The following TRMT2B variants were observed in gnomAD, a reference collection of about 807,000 sequenced individuals.
TRMT2B encodes tRNA methyltransferase 2B, also known as tRNA (uracil-5-)-methyltransferase homolog B.
Under a neutral mutation model 39.7 loss-of-function variants are expected in TRMT2B, and 34 were observed. The ratio of observed to expected loss-of-function variants is 0.86; its 90% CI spans 0.65 to 1.14. TRMT2B has a LOEUF of 1.14. TRMT2B is among the 50% of genes most tolerant of loss of function. The probability of loss-of-function intolerance (pLI) is 0.00; values close to 1 mark genes in which losing one functional copy is unlikely to be tolerated. For synonymous variants in TRMT2B, 132 were observed against 137.3 expected, an observed-to-expected ratio of 0.96 and a Z score of 0.27; for missense variants, 318 against 377.2, an observed-to-expected ratio of 0.84 and a Z score of 1.30.
In TRMT2B at chrX:101,015,348, C is replaced by A. The variant is rs5967227; in HGVS notation, c.1388+3623G>T. ...ACTAAGTTTCCATCCATAGGGATAG[C>A]ACCAACTTACACAGGGTTAGTACTC... On this transcript the variant is annotated intron_variant, in intron 13 of 13. Transcript: ENST00000372936. 2.8e-3 allele frequency among the ~76,000 whole-genome samples: 309 copies of A among 110,419 alleles called. 4 individuals carry two copies. The highest frequency in any genetic ancestry group is 9.2e-3 in the African/African-American group (280 of 30,364).
the TRMT2B span, among the ~76,000 whole-genome samples, chrX:100,981,204 C>G: frequency 8.9e-6 from 1 of 111,905 alleles, no homozygotes; most frequent in Non-Finnish European, 1.9e-5. Flanking sequence ...CCCCAGAGCA[C>G]TTCAGGCCAT....
chrX:100,976,751 AC>A, the TRMT2B span, among the ~76,000 whole-genome samples: 1 of 112,288 alleles, frequency 8.9e-6, no homozygotes, highest in Non-Finnish European at 1.9e-5. Flanking sequence ...AGCTGACATT[AC>A]AGGCATGTGC....
chrX:101,051,182 T>C (rs1246295919), intron 2 of TRMT2B, 69 bp downstream of exon 2: 1 of 630,559 alleles, frequency 1.6e-6, no homozygotes, highest in African/African-American at 2.5e-5. Flanking sequence ...GTAGCCCAAA[T>C]AGGAAGGCAG....
At chrX:101,046,979 C>T (rs927421844) in intron 2 of TRMT2B, among the ~76,000 whole-genome samples, 3 of 111,370 alleles carry the variant, frequency 2.7e-5, no homozygotes, top group Non-Finnish European at 5.7e-5. Context: ...CGCCTATAAT[C>T]CCAGCACTTT....
chrX:101,051,029 T>C (rs757553831), intron 2 of TRMT2B, among the ~76,000 whole-genome samples: 14 of 107,603 alleles, frequency 1.3e-4, no homozygotes, highest in African/African-American at 4.1e-4. Context: ...GTGACAAAGC[T>C]AGACTCCGTC....
the TRMT2B span, chrX:100,973,663 CTT>C: frequency 1.7e-6 from 2 of 1,203,742 alleles, no homozygotes; most frequent in African/African-American, 1.7e-5. Context: ...TCTTTCTTCT[CTT>C]AATATTTAAG....
Position 101,019,015 on chromosome X carries a change from A to G in TRMT2B, c.1344T>C (p.Phe448=). Residue 448 remains phenylalanine (F), a synonymous_variant, in exon 13 of 14, where the codon TTT becomes TTC. Coordinates refer to ENST00000372936, the MANE Select transcript of TRMT2B (RefSeq NM_024917.6). ...ATTCACCATGGAGCTTGCAGGAAAC[A>G]AAAACTAGCGTGTGGATGGCCCTGA... The part of the protein sequence containing the change: ...RNFRAIHTLV[F]VSCKLHGEST... The G allele has an allele frequency of 8.3e-7, 1 of 1,209,683 alleles. No homozygotes were observed. The highest frequency in any genetic ancestry group is 1.1e-6 in the Non-Finnish European group (1 of 893,415).
chrX:101,021,837 G>T, intron 9 of TRMT2B, 131 bp downstream of exon 9: 1 of 507,735 alleles, frequency 2.0e-6, no homozygotes, highest in African/African-American at 2.3e-5. Context: ...TGTGTTCCAA[G>T]ACCCAGCTGG....
At position 101,009,925 on chromosome X, in the gene TRMT2B, A is replaced by G; in HGVS notation, c.*656T>C. ...ATCTCTGAGCAAATGCACAGGCTCCAGTCAATGTAAAATTATTACCAGCTG... is the reference window on the plus strand; with the variant it reads ...ATCTCTGAGCAAATGCACAGGCTCCGGTCAATGTAAAATTATTACCAGCTG... On this transcript the variant is annotated 3_prime_UTR_variant, in exon 14 of 14. Transcript: ENST00000372936. 1 of 109,958 alleles carries G rather than the reference A, an allele frequency of 9.1e-6. No homozygotes were observed. The highest frequency in any genetic ancestry group is 1.9e-5 in the Non-Finnish European group (1 of 52,939). 9.1% of individuals were successfully genotyped at this position (109,958 alleles called of 1,213,427 possible).
At position 101,010,480 on chromosome X, in the gene TRMT2B, A is replaced by T; in HGVS notation, c.*101T>A. 1 of 982,644 alleles carries T rather than the reference A, an allele frequency of 1.0e-6. No homozygotes were observed. Among genetic ancestry groups the T allele is most frequent in the Non-Finnish European group, 1.4e-6 (1 of 710,203 alleles). 81.0% of individuals were successfully genotyped at this position (982,644 alleles called of 1,213,427 possible). A position where few individuals can be genotyped will look rare whatever the true frequency, so the allele number is the denominator to read the frequency against. Reference sequence around the variant, plus strand: ...ATTCACAAACCAAAGATTGGTTTCCACTGTAATGCTCCCAGGGTCTGCAAT... The same window carrying T: ...ATTCACAAACCAAAGATTGGTTTCCTCTGTAATGCTCCCAGGGTCTGCAAT... On this transcript the variant is annotated 3_prime_UTR_variant, in exon 14 of 14. Transcript: ENST00000372936.
At chrX:101,004,558 A>G (rs1189774335), downstream of TRMT2B, among the ~76,000 whole-genome samples, 1 of 110,089 alleles carries the variant, frequency 9.1e-6, no homozygotes, top group Non-Finnish European at 1.9e-5. Flanking sequence ...CTAGAGTGCA[A>G]TGGCACAATC....
chrX:101,050,855 AAC>A (rs778124832), intron 2 of TRMT2B, among the ~76,000 whole-genome samples: 26 of 110,501 alleles, frequency 2.4e-4, no homozygotes, highest in African/African-American at 7.5e-4. Context: ...CAGCCTGACC[AAC>A]AGAGTGAAAC....
the TRMT2B span, chrX:100,990,590 A>T: frequency 8.6e-7 from 1 of 1,158,123 alleles, no homozygotes. Flanking sequence ...ACTCACTGAG[A>T]GGCTCAAGAA....
downstream of TRMT2B, among the ~76,000 whole-genome samples, chrX:101,005,374 T>C (rs1241517632): frequency 9.1e-6 from 1 of 109,857 alleles, no homozygotes; most frequent in Admixed American, 9.8e-5. Context: ...GCCTGGGCTG[T>C]GACAGAGCAA....
At chrX:101,007,719 T>C (rs1436999459), downstream of TRMT2B, among the ~76,000 whole-genome samples, 4 of 111,364 alleles carry the variant, frequency 3.6e-5, no homozygotes, top group African/African-American at 1.3e-4. Flanking sequence ...TTTTAAGTAA[T>C]GGAGAAACAT....
chrX:100,985,655 C>T, the TRMT2B span: 6 of 1,194,727 alleles, frequency 5.0e-6, no homozygotes, highest in South Asian at 1.9e-5. Flanking sequence ...TCCTCTTTTC[C>T]CCTATGCACA....
chrX:101,020,990 G>A (rs188718384), intron 10 of TRMT2B, 111 bp downstream of exon 10: 75 of 675,940 alleles, frequency 1.1e-4, no homozygotes, highest in Middle Eastern at 4.8e-4. Flanking sequence ...GTTTTAGACC[G>A]ACAAGGTTAT....
intron 13 of TRMT2B, among the ~76,000 whole-genome samples, chrX:101,012,466 TC>T (rs1213587403): frequency 1.6e-5 from 1 of 62,473 alleles, no homozygotes; most frequent in Non-Finnish European, 2.9e-5. Context: ...ATGCTATCCC[TC>T]CCCCCTCCCC....
chrX:101,018,813 C>T (rs553949270), intron 13 of TRMT2B, among the ~76,000 whole-genome samples, 158 bp downstream of exon 13: 54 of 112,031 alleles, frequency 4.8e-4, no homozygotes, highest in Non-Finnish European at 3.2e-4. Context: ...CCTGACCCAG[C>T]CCTGTAATTG....
Sources: allele counts gnomAD v4.1 joint callset (sites outside exome capture counted in the v4.1 genomes callset), GRCh38; gene constraint gnomAD v4.1.1; transcripts MANE v1.5; gene names NCBI Gene and HGNC (gene_info 2026-07-23, HGNC 2026-07-21).